The following ETV2 variants were observed in gnomAD, a reference collection of about 807,000 sequenced individuals.
The protein encoded by ETV2 is ETS translocation variant 2.
A neutral mutation model predicts 35.7 loss-of-function variants in ETV2; 34 were observed. The ratio of observed to expected loss-of-function variants is 0.95; its 90% CI spans 0.72 to 1.27. The LOEUF is 1.27. ETV2 is among the 50% of genes most tolerant of loss of function. ETV2 has a pLI of 0.00. For missense variants in ETV2, 512 were observed against 470.5 expected (o/e 1.09, Z -0.82); for synonymous variants, 207 against 203.9 (o/e 1.02, Z -0.13).
rs1349314876 is a variant in ETV2, at chr19:35,644,677, A to C, written c.854A>C (p.Lys285Thr). Residue 285 changes from lysine (K) to threonine (T), a missense_variant, in exon 7 of 7, where the codon AAG becomes ACG. By Grantham distance (78) the Lys-to-Thr change is moderately conservative. Coordinates refer to ENST00000402764, the MANE Select transcript of ETV2 (RefSeq NM_014209.4). This position sits in a 1 kb window ranked among gnomAD's most constrained non-coding sequence, Gnocchi z 4.7. ...GTGGCTCGGCTGTGGGGCGAGCGCAAGAGAAAGCCGGGCATGAATTACGAG... is the reference window on the plus strand; with the variant it reads ...GTGGCTCGGCTGTGGGGCGAGCGCACGAGAAAGCCGGGCATGAATTACGAG... ...KEVARLWGER[K>T]RKPGMNYEKL... 6.2e-7 allele frequency: 1 copy of C among 1,604,694 alleles called. No individual in the cohort carries two copies. Among genetic ancestry groups the C allele is most frequent in the East Asian group, 2.2e-5 (1 of 44,766 alleles).
chr19:35,644,249 T>G lies in ETV2; in HGVS notation c.730T>G (p.Trp244Gly). 6.4e-7 allele frequency: 1 copy of G among 1,559,916 alleles called. No homozygotes were observed. The highest frequency in any genetic ancestry group is 8.7e-7 in the Non-Finnish European group (1 of 1,151,028). The stretch of plus-strand genomic sequence containing the variant: ...TCATCCCGCAGGTCCCATTCAGCTG[T>G]GGCAGTTCCTCCTGGAGCTGCTCCA... The part of the protein sequence containing the change: ...KTNHRGPIQL[W>G]QFLLELLHDG... Residue 244 changes from tryptophan (W) to glycine (G), a missense_variant, in exon 6 of 7, where the codon TGG becomes GGG. Coordinates refer to ENST00000402764, the MANE Select transcript of ETV2 (RefSeq NM_014209.4). This position sits in a 1 kb window ranked among gnomAD's most constrained non-coding sequence, Gnocchi z 4.7.
At position 35,644,655 on chromosome 19, in the gene ETV2, G is replaced by C; in HGVS notation, c.832G>C (p.Ala278Pro). 6.2e-7 allele frequency: 1 copy of C among 1,605,904 alleles called. No individual in the cohort carries two copies. Among genetic ancestry groups the C allele is most frequent in the South Asian group, 1.1e-5 (1 of 90,084 alleles). ...ACCGAGCGGGCCTCTGTCCTAGGTG[G>C]CTCGGCTGTGGGGCGAGCGCAAGAG... Reference protein sequence around the residue: ...EFQLCDPKEVARLWGERKRKP... With the variant: ...EFQLCDPKEVPRLWGERKRKP... The change falls in exon 7 of 7, where the codon GCT becomes CCT. Residue 278 changes from alanine to proline, a missense_variant. Ala to Pro is a conservative substitution (Grantham distance 27, BLOSUM62 -1). Coordinates refer to ENST00000402764, the MANE Select transcript of ETV2 (RefSeq NM_014209.4). This position sits in a 1 kb window ranked among gnomAD's most constrained non-coding sequence, Gnocchi z 4.7.
At position 35,642,755 on chromosome 19, in the gene ETV2, T is replaced by A. The variant is rs1342039894; in HGVS notation, c.154+57T>A. The A allele has an allele frequency of 7.2e-7, 1 of 1,391,166 alleles. No individual in the cohort carries two copies. The highest frequency in any genetic ancestry group is 2.5e-5 in the East Asian group (1 of 39,968). The allele number at this position is 1,391,166 out of a possible 1,614,324, so 86.2% of individuals were successfully genotyped here. On this transcript the variant is annotated intron_variant, in intron 3 of 6. Transcript: ENST00000402764. This position sits in a 1 kb window ranked among gnomAD's most constrained non-coding sequence, Gnocchi z 4.4. ...AGAAGAAGCGGGGAGGCTGGGATCC[T>A]AGGGCAAAGGGAGGAGGGGGGCGTG... is the stretch of plus-strand genomic sequence containing the variant.
Position 35,643,116 on chromosome 19 carries a change from C to A in ETV2, c.235+71C>A. ...GGCACCGGGGCTAGAGGTGTAGACT[C>A]CCTGATCTTTGAGGACTGAGAACAC... On this transcript the variant is annotated intron_variant, in intron 4 of 6. Coordinates refer to ENST00000402764, the MANE Select transcript of ETV2 (RefSeq NM_014209.4). The surrounding 1 kb of genome is among the most constrained non-coding windows in gnomAD (Gnocchi z 5.0). 2.2e-6 allele frequency: 3 copies of A among 1,375,730 alleles called. No individual in the cohort carries two copies. Among genetic ancestry groups the A allele is most frequent in the Non-Finnish European group, 3.0e-6 (3 of 1,001,434 alleles). The allele number at this position is 1,375,730 out of a possible 1,614,324, so 85.2% of individuals were successfully genotyped here.
rs55634102 is a variant in ETV2 at position 35,643,419 on chromosome 19, C to A, written c.381C>A (p.Ala127=). The change falls in exon 5 of 7, where the codon GCC becomes GCA. Residue 127 remains alanine (A), a synonymous_variant. Transcript: ENST00000402764. This position sits in a 1 kb window ranked among gnomAD's most constrained non-coding sequence, Gnocchi z 5.0. The part of the protein sequence containing the change: ...GPIPAAGSEG[A]AGQNCVPVAG... ...TCCCCGCCGCCGGCTCCGAAGGCGC[C>A]GCGGGCCAGAACTGCGTCCCCGTGG... 3.0e-4 allele frequency: 457 copies of A among 1,543,478 alleles called. 1 individual carries two copies. In the African/African-American group the frequency reaches 5.8e-3, roughly 20 times the overall value.
Position 35,642,846 on chromosome 19 carries a change from G to T in ETV2, c.155-119G>T. 1 of 974,238 alleles carries T rather than the reference G, an allele frequency of 1.0e-6. No individual in the cohort carries two copies. 60.3% of individuals were successfully genotyped at this position (974,238 alleles called of 1,614,324 possible). A position where few individuals can be genotyped will look rare whatever the true frequency, so the allele number is the denominator to read the frequency against. ...GACCCCTGAGGGTGAAGGAAAAGGGGGCGCGGGGTGCTGAAATACGGGCTG... is the reference window on the plus strand; with the variant it reads ...GACCCCTGAGGGTGAAGGAAAAGGGTGCGCGGGGTGCTGAAATACGGGCTG... On this transcript the variant is annotated intron_variant, in intron 3 of 6. Coordinates refer to ENST00000402764, the MANE Select transcript of ETV2 (RefSeq NM_014209.4). The surrounding 1 kb of genome is among the most constrained non-coding windows in gnomAD (Gnocchi z 4.4).
chr19:35,644,832 C>T lies in ETV2; in HGVS notation c.1009C>T (p.Arg337Trp), dbSNP rs1404264984. The T allele has an allele frequency of 1.2e-6, 2 of 1,606,788 alleles. No individual in the cohort carries two copies. The highest frequency in any genetic ancestry group is 1.7e-6 in the Non-Finnish European group (2 of 1,176,784). Residue 337 changes from arginine to tryptophan, a missense_variant, in exon 7 of 7, where the codon CGG becomes TGG. Coordinates refer to ENST00000402764, the MANE Select transcript of ETV2 (RefSeq NM_014209.4). This position sits in a 1 kb window ranked among gnomAD's most constrained non-coding sequence, Gnocchi z 4.7. ...LAYPDCAGGG[R>W]GAETQ Reference sequence around the variant, plus strand: ...CTATCCGGACTGTGCGGGAGGCGGACGGGGAGCAGAGACACAATAAAAATT... The same window carrying T: ...CTATCCGGACTGTGCGGGAGGCGGATGGGGAGCAGAGACACAATAAAAATT...
At position 35,643,471 on chromosome 19, in the gene ETV2, G is replaced by A. The variant is rs776530931; in HGVS notation, c.433G>A (p.Ala145Thr). 1.3e-6 allele frequency: 2 copies of A among 1,547,638 alleles called. No homozygotes were observed. Among genetic ancestry groups the A allele is most frequent in the Non-Finnish European group, 1.7e-6 (2 of 1,146,002 alleles). Residue 145 changes from alanine (A) to threonine (T), a missense_variant, in exon 5 of 7, where the codon GCC (alanine) becomes ACC (threonine). Coordinates refer to ENST00000402764, the MANE Select transcript of ETV2 (RefSeq NM_014209.4). The surrounding 1 kb of genome is among the most constrained non-coding windows in gnomAD (Gnocchi z 5.0). ...GGGAGAGGCCACCTCGTGGTCGCGCGCCCAGGCCGCCGGGAGCAACACCAG... is the reference window on the plus strand; with the variant it reads ...GGGAGAGGCCACCTCGTGGTCGCGCACCCAGGCCGCCGGGAGCAACACCAG... ...VAGEATSWSR[A>T]QAAGSNTSWD...
At position 35,644,696 on chromosome 19, in the gene ETV2, T is replaced by A. The variant is rs199804295; in HGVS notation, c.873T>A (p.Asn291Lys). ...WGERKRKPGM[N>K]YEKLSRGLRY... ...AGCGCAAGAGAAAGCCGGGCATGAA[T>A]TACGAGAAGCTGAGCCGGGGCCTTC... Residue 291 changes from asparagine to lysine, a missense_variant, in exon 7 of 7, where the codon AAT (asparagine) becomes AAA (lysine). Physicochemically the swap from Asn to Lys is moderately conservative, Grantham distance 94. Coordinates refer to ENST00000402764, the MANE Select transcript of ETV2 (RefSeq NM_014209.4). The surrounding 1 kb of genome is among the most constrained non-coding windows in gnomAD (Gnocchi z 4.7). 1 of 1,603,476 alleles carries A rather than the reference T, an allele frequency of 6.2e-7. No homozygotes were observed. Among genetic ancestry groups the A allele is most frequent in the Non-Finnish European group, 8.5e-7 (1 of 1,174,222 alleles).
chr19:35,643,155 G>A lies in ETV2; in HGVS notation c.235+110G>A, dbSNP rs944981828. ...GACTGAGAACACCTGCGCCCTCAAG[G>A]TGGCATGACCTGGATCCGGGTCAGC... On this transcript the variant is annotated intron_variant, in intron 4 of 6. Transcript: ENST00000402764. The surrounding 1 kb of genome is among the most constrained non-coding windows in gnomAD (Gnocchi z 5.0). 4 of 1,443,388 alleles carry A rather than the reference G, an allele frequency of 2.8e-6. No homozygotes were observed. In the African/African-American group the frequency reaches 5.7e-5, roughly 21 times the overall value. The allele number at this position is 1,443,388 out of a possible 1,614,324, so 89.4% of individuals were successfully genotyped here. A position where few individuals can be genotyped will look rare whatever the true frequency, so the allele number is the denominator to read the frequency against.
At position 35,643,958 on chromosome 19, in the gene ETV2, GGGAT is replaced by G. The variant is rs1402617466; in HGVS notation, c.715+207_715+210del. Among the ~76,000 whole-genome samples, 4 of 152,144 alleles carry G rather than the reference GGGAT, an allele frequency of 2.6e-5. No individual in the cohort carries two copies. Among genetic ancestry groups the G allele is most frequent in the Non-Finnish European group, 5.9e-5 (4 of 68,006 alleles). Reference sequence around the variant, plus strand: ...AACTGGTAGTCTTATAGGGACCAAGGGGATGAGGACCCAGGCTCCTGGATTATAT... The same window carrying G: ...AACTGGTAGTCTTATAGGGACCAAGGGAGGACCCAGGCTCCTGGATTATAT... On this transcript the variant is annotated intron_variant, in intron 5 of 6. Coordinates refer to ENST00000402764, the MANE Select transcript of ETV2 (RefSeq NM_014209.4). This position sits in a 1 kb window ranked among gnomAD's most constrained non-coding sequence, Gnocchi z 5.0.
rs758544379 is a variant in ETV2 at position 35,643,239 on chromosome 19, G to A, written c.236-35G>A. The stretch of plus-strand genomic sequence containing the variant: ...CCTAGAGTTTTTGAGGGGGCACCTG[G>A]GCTCCCCTCACTCGGGATCCGTTAC... On this transcript the variant is annotated intron_variant, in intron 4 of 6. Coordinates refer to ENST00000402764, the MANE Select transcript of ETV2 (RefSeq NM_014209.4). This position sits in a 1 kb window ranked among gnomAD's most constrained non-coding sequence, Gnocchi z 5.0. 1 of 1,565,224 alleles carries A rather than the reference G, an allele frequency of 6.4e-7. No homozygotes were observed. Among genetic ancestry groups the A allele is most frequent in the Admixed American group, 1.9e-5 (1 of 53,430 alleles).
At position 35,644,497 on chromosome 19, in the gene ETV2, T is replaced by C. The variant is rs2146364725; in HGVS notation, c.828+150T>C. 2 of 912,048 alleles carry C rather than the reference T, an allele frequency of 2.2e-6. No individual in the cohort carries two copies. The highest frequency in any genetic ancestry group is 3.3e-6 in the Non-Finnish European group (2 of 602,322). The allele number at this position is 912,048 out of a possible 1,614,324, so 56.5% of individuals were successfully genotyped here. A position where few individuals can be genotyped will look rare whatever the true frequency, so the allele number is the denominator to read the frequency against. ...CGCCCAACCCTTCTCAAACCCAATC[T>C]CCCGCCTGTACTCCTGCCTCAACCA... is the stretch of plus-strand genomic sequence containing the variant. On this transcript the variant is annotated intron_variant, in intron 6 of 6. Coordinates refer to ENST00000402764, the MANE Select transcript of ETV2 (RefSeq NM_014209.4). The surrounding 1 kb of genome is among the most constrained non-coding windows in gnomAD (Gnocchi z 4.7).
chr19:35,643,858 G>A lies in ETV2; in HGVS notation c.715+105G>A, dbSNP rs1967693531. 1.3e-6 allele frequency: 2 copies of A among 1,516,474 alleles called. No homozygotes were observed. The highest frequency in any genetic ancestry group is 1.8e-6 in the Non-Finnish European group (2 of 1,120,292). 93.9% of individuals were successfully genotyped at this position (1,516,474 alleles called of 1,614,324 possible). A position where few individuals can be genotyped will look rare whatever the true frequency, so the allele number is the denominator to read the frequency against. Reference sequence around the variant, plus strand: ...CGGGAGACTGACAGTGAGGGGGCGGGGGCTTAGGGACCAGGGGCTCGAAGG... The same window carrying A: ...CGGGAGACTGACAGTGAGGGGGCGGAGGCTTAGGGACCAGGGGCTCGAAGG... On this transcript the variant is annotated intron_variant, in intron 5 of 6. Coordinates refer to ENST00000402764, the MANE Select transcript of ETV2 (RefSeq NM_014209.4). This position sits in a 1 kb window ranked among gnomAD's most constrained non-coding sequence, Gnocchi z 5.0.
At position 35,643,206 on chromosome 19, in the gene ETV2, G is replaced by C; in HGVS notation, c.236-68G>C. ...CGGGCCCCAAGTGCCAGGGTTGAGAGCTTAGACCCTAGAGTTTTTGAGGGG... is the reference window on the plus strand; with the variant it reads ...CGGGCCCCAAGTGCCAGGGTTGAGACCTTAGACCCTAGAGTTTTTGAGGGG... On this transcript the variant is annotated intron_variant, in intron 4 of 6. Transcript: ENST00000402764. The surrounding 1 kb of genome is among the most constrained non-coding windows in gnomAD (Gnocchi z 5.0). The C allele has an allele frequency of 6.5e-7, 1 of 1,538,094 alleles. No individual in the cohort carries two copies. Among genetic ancestry groups the C allele is most frequent in the Non-Finnish European group, 8.7e-7 (1 of 1,145,000 alleles).
Position 35,642,400 on chromosome 19 carries a change from T to C in ETV2, c.-27-34T>C. On this transcript the variant is annotated intron_variant, in intron 1 of 6. Coordinates refer to ENST00000402764, the MANE Select transcript of ETV2 (RefSeq NM_014209.4). The surrounding 1 kb of genome is among the most constrained non-coding windows in gnomAD (Gnocchi z 4.4). ...TCCAGGGCCTCCAAGTGTCACCAGC[T>C]CACCCATTGCCATCTGGACTTTTCC... 8.4e-7 allele frequency: 1 copy of C among 1,190,062 alleles called. No individual in the cohort carries two copies. Among genetic ancestry groups the C allele is most frequent in the South Asian group, 1.4e-5 (1 of 70,016 alleles). The allele number at this position is 1,190,062 out of a possible 1,614,324, so 73.7% of individuals were successfully genotyped here. A position where few individuals can be genotyped will look rare whatever the true frequency, so the allele number is the denominator to read the frequency against.
Position 35,643,269 on chromosome 19 carries a change from C to T in ETV2, c.236-5C>T. 6.3e-7 allele frequency: 1 copy of T among 1,591,328 alleles called. No homozygotes were observed. The highest frequency in any genetic ancestry group is 8.5e-7 in the Non-Finnish European group (1 of 1,171,984). On this transcript the variant is annotated splice_region_variant and splice_polypyrimidine_tract_variant and intron_variant, in intron 4 of 6. Transcript: ENST00000402764. This position sits in a 1 kb window ranked among gnomAD's most constrained non-coding sequence, Gnocchi z 5.0. The stretch of plus-strand genomic sequence containing the variant: ...CCCTCACTCGGGATCCGTTACTCCT[C>T]ACAGAGCCCGACTCTCAGGCTCTTC...
rs1289855914 is a variant in ETV2 at position 35,644,684 on chromosome 19, G to A, written c.861G>A (p.Lys287=). The change falls in exon 7 of 7, where the codon AAG becomes AAA. Residue 287 remains lysine (K), a synonymous_variant. Transcript: ENST00000402764. This position sits in a 1 kb window ranked among gnomAD's most constrained non-coding sequence, Gnocchi z 4.7. The stretch of plus-strand genomic sequence containing the variant: ...GGCTGTGGGGCGAGCGCAAGAGAAA[G>A]CCGGGCATGAATTACGAGAAGCTGA... ...VARLWGERKR[K]PGMNYEKLSR... 6.2e-7 allele frequency: 1 copy of A among 1,604,268 alleles called. No individual in the cohort carries two copies. The highest frequency in any genetic ancestry group is 1.7e-5 in the Admixed American group (1 of 58,906).
Position 35,642,608 on chromosome 19 carries a change from C to A in ETV2, c.71-7C>A, listed in dbSNP as rs749584797. On this transcript the variant is annotated splice_region_variant and splice_polypyrimidine_tract_variant and intron_variant, in intron 2 of 6. Coordinates refer to ENST00000402764, the MANE Select transcript of ETV2 (RefSeq NM_014209.4). The surrounding 1 kb of genome is among the most constrained non-coding windows in gnomAD (Gnocchi z 4.4). ...CTCTGCTGACCCTAACCCCTTATCG[C>A]CTGCAGAAGGAGCCAAATTAGGCTT... 1 of 1,611,050 alleles carries A rather than the reference C, an allele frequency of 6.2e-7. No homozygotes were observed. Among genetic ancestry groups the A allele is most frequent in the South Asian group, 1.1e-5 (1 of 90,602 alleles).
Sources: allele counts gnomAD v4.1 joint callset (sites outside exome capture counted in the v4.1 genomes callset), GRCh38; gene constraint gnomAD v4.1.1; non-coding constraint Gnocchi (gnomAD v3.1); transcripts MANE v1.5; gene names NCBI Gene and HGNC (gene_info 2026-07-23, HGNC 2026-07-21).